ARHGAP32: variants seen among roughly 807,000 people sequenced by gnomAD.
The protein encoded by ARHGAP32 is rho GTPase-activating protein 32.
In ARHGAP32, 51 loss-of-function variants were observed where a neutral mutation model predicts 186.5. The observed-to-expected ratio is 0.27, with a 90% CI of 0.22 to 0.35. ARHGAP32 has a LOEUF of 0.35. ARHGAP32 is among the 10% of genes least tolerant of loss of function. ARHGAP32 has a pLI of 1.00. For missense variants in ARHGAP32, 2,186 were observed against 2,623.5 expected (o/e 0.83, Z 3.64); for synonymous variants, 950 against 964.3 (o/e 0.99, Z 0.27).
rs1379726290 is a variant in ARHGAP32, at chr11:129,123,419, C to A, written c.444+27G>T. 2 of 1,569,308 alleles carry A rather than the reference C, an allele frequency of 1.3e-6. No homozygotes were observed. The highest frequency in any genetic ancestry group is 2.7e-5 in the African/African-American group (2 of 73,868). On this transcript the variant is annotated intron_variant, in intron 5 of 22. Transcript: ENST00000682385. This position sits in a 1 kb window ranked among gnomAD's most constrained non-coding sequence, Gnocchi z 4.6. ...AAAGGTAAATGTGTAAATCTTAATT[C>A]AAGATGTAAGAAATATTTCAGTATA...
chr11:129,065,452 T>TAG (rs1940656083), intron 7 of ARHGAP32, among the ~76,000 whole-genome samples: 2 of 152,232 alleles, frequency 1.3e-5, no homozygotes, highest in South Asian at 4.1e-4. Context: ...ACACAGATTC[T>TAG]AGCTCAGTCT....
At chr11:129,169,965 G>C (rs1283076009) in intron 1 of ARHGAP32, among the ~76,000 whole-genome samples, 9 of 151,984 alleles carry the variant, frequency 5.9e-5, no homozygotes, top group Non-Finnish European at 1.3e-4. Context: ...GCAAAAGCTA[G>C]ACATTACTAG....
At chr11:129,246,840 T>G (rs1220847539) in intron 1 of ARHGAP32, among the ~76,000 whole-genome samples, 2 of 152,218 alleles carry the variant, frequency 1.3e-5, no homozygotes, top group Non-Finnish European at 2.9e-5. Flanking sequence ...TCTGCCTGTT[T>G]TCCTCCTCTC....
Position 128,974,403 on chromosome 11 carries a change from G to A in ARHGAP32, c.2794C>T (p.Arg932Trp), listed in dbSNP as rs766006286. 46 of 1,614,010 alleles carry A rather than the reference G, an allele frequency of 2.9e-5. No individual in the cohort carries two copies. The Middle Eastern group carries it at 8.2e-4, about 29-fold the overall frequency. Residue 932 changes from arginine to tryptophan, a missense_variant, in exon 21 of 23, where the codon CGG (arginine) becomes TGG (tryptophan). Around this residue, in one of 5 missense-constraint regions of ARHGAP32, gnomAD observed 1,502 missense variants for 1,570.0 expected, o/e 0.96. Coordinates refer to ENST00000682385, the MANE Select transcript of ARHGAP32 (RefSeq NM_001378024.1). ...SEPISVTLPP[R>W]VSEVIGTVSN... ...ACTGTACCAATGACTTCTGACACCC[G>A]TGGTGGTAGGGTCACTGAAATTGGC...
At chr11:129,272,881 A>C (rs1945489136) in intron 1 of ARHGAP32, among the ~76,000 whole-genome samples, 1 of 152,154 alleles carries the variant, frequency 6.6e-6, no homozygotes, top group African/African-American at 2.4e-5. Context: ...ATTTCTAGTA[A>C]ATTAAAGTAA....
chr11:128,970,928 G>A lies in ARHGAP32; in HGVS notation c.4285C>T (p.Pro1429Ser), dbSNP rs146794520. The change falls in exon 23 of 23, where the codon CCC becomes TCC. Residue 1429 changes from proline to serine, a missense_variant. Pro to Ser is a moderately conservative substitution (Grantham distance 74). Coordinates refer to ENST00000682385, the MANE Select transcript of ARHGAP32 (RefSeq NM_001378024.1). The surrounding 1 kb of genome is among the most constrained non-coding windows in gnomAD (Gnocchi z 5.8). ...HPCGFPAPLP[P>S]TRMMESKMIA... Reference sequence around the variant, plus strand: ...ATCTTACTCTCCATCATCCTGGTGGGGGGCAGTGGTGCAGGAAAGCCACAG... The same window carrying A: ...ATCTTACTCTCCATCATCCTGGTGGAGGGCAGTGGTGCAGGAAAGCCACAG... 2 of 1,613,896 alleles carry A rather than the reference G, an allele frequency of 1.2e-6. No individual in the cohort carries two copies. Among genetic ancestry groups the A allele is most frequent in the African/African-American group, 2.7e-5 (2 of 74,908 alleles).
At position 128,965,922 on chromosome 11, in the gene ARHGAP32, T is replaced by C. The variant is rs928004417; in HGVS notation, c.*2985A>G. On this transcript the variant is annotated 3_prime_UTR_variant, in exon 23 of 23. Coordinates refer to ENST00000682385, the MANE Select transcript of ARHGAP32 (RefSeq NM_001378024.1). Reference sequence around the variant, plus strand: ...TCTACAGAATTAGTCCTAGAATTTTTCAACCTGACCCTAAATTTTAAAAAA... The same window carrying C: ...TCTACAGAATTAGTCCTAGAATTTTCCAACCTGACCCTAAATTTTAAAAAA... The C allele has an allele frequency of 6.6e-6, 1 of 152,240 alleles. No homozygotes were observed. Among genetic ancestry groups the C allele is most frequent in the African/African-American group, 2.4e-5 (1 of 41,456 alleles). 9.4% of individuals were successfully genotyped at this position (152,240 alleles called of 1,614,324 possible).
chr11:129,091,050 C>T (rs1941564817), intron 6 of ARHGAP32, among the ~76,000 whole-genome samples: 1 of 152,106 alleles, frequency 6.6e-6, no homozygotes, highest in Non-Finnish European at 1.5e-5. Flanking sequence ...GGGATATCTG[C>T]AGCACGACAT....
intron 6 of ARHGAP32, among the ~76,000 whole-genome samples, chr11:129,074,728 A>G (rs1012613150): frequency 1.3e-5 from 2 of 152,116 alleles, no homozygotes; most frequent in African/African-American, 4.8e-5. Flanking sequence ...TCCTGACCAC[A>G]TGATCCGCTC....
In ARHGAP32 at chr11:129,023,850, TCTC is replaced by T. The variant is rs1255212432; in HGVS notation, c.1045+17075_1045+17077del. 3.1e-5 allele frequency: 30 copies of T among 968,758 alleles called. No individual in the cohort carries two copies. The African/African-American group carries it at 4.4e-4, about 14-fold the overall frequency. 60.0% of individuals were successfully genotyped at this position (968,758 alleles called of 1,614,324 possible). On this transcript the variant is annotated intron_variant, in intron 11 of 22. Coordinates refer to ENST00000682385, the MANE Select transcript of ARHGAP32 (RefSeq NM_001378024.1). Reference sequence around the variant, plus strand: ...CAAATATTTAAATGACTGATTGAGATCTCCTTACCTCTTGTTGTGGTACAAGTT... The same window carrying T: ...CAAATATTTAAATGACTGATTGAGATCTTACCTCTTGTTGTGGTACAAGTT...
intron 12 of ARHGAP32, among the ~76,000 whole-genome samples, chr11:128,992,638 T>C (rs1424770157): frequency 1.3e-5 from 2 of 151,234 alleles, no homozygotes; most frequent in Non-Finnish European, 3.0e-5. Context: ...AAAAAAAAAA[T>C]TAGCCAGGCA....
At chr11:129,164,672 C>T (rs1943596754) in intron 1 of ARHGAP32, among the ~76,000 whole-genome samples, 1 of 152,084 alleles carries the variant, frequency 6.6e-6, no homozygotes, top group Admixed American at 6.6e-5. Context: ...CTTTATGGTC[C>T]ATGGTTATTA....
intron 1 of ARHGAP32, among the ~76,000 whole-genome samples, chr11:129,179,234 C>T (rs1201177928): frequency 2.6e-5 from 4 of 152,158 alleles, no homozygotes; most frequent in Non-Finnish European, 5.9e-5. Flanking sequence ...CAAATCAAAA[C>T]CACAGTGAGA....
intron 5 of ARHGAP32, among the ~76,000 whole-genome samples, chr11:129,101,984 C>T (rs1220421800): frequency 4.6e-5 from 7 of 152,148 alleles, no homozygotes; most frequent in Non-Finnish European, 2.9e-5. Flanking sequence ...CAAAGGGAAG[C>T]CCATCAGACT....
At chr11:129,144,885 G>T (rs1943136809) in intron 2 of ARHGAP32, among the ~76,000 whole-genome samples, 1 of 152,048 alleles carries the variant, frequency 6.6e-6, no homozygotes, top group East Asian at 1.9e-4. Context: ...TTATTCGGAG[G>T]CGATATTTAA....
rs1459408650 is a variant in ARHGAP32, at chr11:128,980,725, G to A, written c.1804C>T (p.Leu602Phe). 1.2e-6 allele frequency: 2 copies of A among 1,613,106 alleles called. No individual in the cohort carries two copies. The highest frequency in any genetic ancestry group is 2.2e-5 in the East Asian group (1 of 44,858). Residue 602 changes from leucine to phenylalanine, a missense_variant, in exon 18 of 23, where the codon CTC becomes TTC. By Grantham distance (22) the Leu-to-Phe change is conservative (BLOSUM62 0). Transcript: ENST00000682385. ...TTGGTGGATGGAGAGGATACCAGGA[G>A]GGACTTGGGCCTTGATAGAGAAGCT... ...GAASLSRPKS[L>F]LVSSPSTKLL...
At chr11:129,136,095 AATAG>A (rs1221055982) in intron 2 of ARHGAP32, among the ~76,000 whole-genome samples, 1 of 152,198 alleles carries the variant, frequency 6.6e-6, no homozygotes, top group East Asian at 1.9e-4. Flanking sequence ...TAGTGCCCAT[AATAG>A]ATAAAGAACT....
At chr11:129,208,336 A>G (rs1183329964) in intron 1 of ARHGAP32, among the ~76,000 whole-genome samples, 1 of 152,180 alleles carries the variant, frequency 6.6e-6, no homozygotes, top group Non-Finnish European at 1.5e-5. Context: ...TCATGAGATG[A>G]TATTAATGCA....
At chr11:129,028,716 T>A (rs975248514) in intron 11 of ARHGAP32, among the ~76,000 whole-genome samples, 23 of 152,158 alleles carry the variant, frequency 1.5e-4, no homozygotes, top group African/African-American at 5.1e-4. Context: ...TAACTGCTAT[T>A]AAATTTGCAC....
Sources: gnomAD v4.1 joint callset for allele counts (sites outside exome capture counted in the v4.1 genomes callset) on GRCh38, gnomAD v4.1.1 for gene constraint, gnomAD v4.1.1 regional missense constraint, Gnocchi (gnomAD v3.1) non-coding constraint, MANE v1.5 for transcripts, NCBI Gene and HGNC (gene_info 2026-07-23, HGNC 2026-07-21) for gene names.